The following RAB3B variants were observed in gnomAD, a reference collection of about 807,000 sequenced individuals.
The protein encoded by RAB3B is ras-related protein Rab-3B.
RAB3B carries 11 observed loss-of-function variants against 20.5 expected under a neutral mutation model. The observed-to-expected ratio is 0.54, with a 90% confidence interval of 0.34 to 0.89. RAB3B has a LOEUF of 0.89. Ranked by LOEUF, RAB3B falls within the 40% of genes least tolerant of loss-of-function variation. RAB3B has a pLI of 0.02. For missense variants in RAB3B, 225 were observed against 280.9 expected (o/e 0.80, Z 1.42); for synonymous variants, 99 against 106.3 (o/e 0.93, Z 0.42).
intron 1 of RAB3B, among the ~76,000 whole-genome samples, chr1:51,984,550 C>G (rs189504126): frequency 1.1e-4 from 17 of 151,526 alleles, no homozygotes; most frequent in Non-Finnish European, 2.4e-4. Context: ...ACCATCACAC[C>G]GGCTAATTTT....
intron 1 of RAB3B, among the ~76,000 whole-genome samples, chr1:51,981,969 AGTGTAC>A (rs1421104653): frequency 1.3e-5 from 2 of 152,172 alleles, no homozygotes; most frequent in African/African-American, 4.8e-5. Flanking sequence ...GTTATTTTAG[AGTGTAC>A]TTTTTCTATT....
chr1:51,989,103 G>GCGCACACACA lies in RAB3B; in HGVS notation c.-1+1448_-1+1449insTGTGTGTGCG, dbSNP rs377673682. The stretch of plus-strand genomic sequence containing the variant: ...CAGGTGGACACCCACCTGTGCGCGC[G>GCGCACACACA]CACACACACACACACACACACACAC... On this transcript the variant is annotated intron_variant, in intron 1 of 4. Transcript: ENST00000371655. 5.7e-3 allele frequency among the ~76,000 whole-genome samples: 753 copies of GCGCACACACA among 132,752 alleles called. 7 individuals are homozygous for GCGCACACACA. Among genetic ancestry groups the GCGCACACACA allele is most frequent in the South Asian group, 0.031 (119 of 3,828 alleles). The allele number at this position is 132,752 out of a possible 152,430, so 87.1% of individuals were successfully genotyped here. A position where few individuals can be genotyped will look rare whatever the true frequency, so the allele number is the denominator to read the frequency against.
Position 51,989,208 on chromosome 1 carries a change from T to TTGTGTGTGTGTGTGTGTGTG in RAB3B, c.-1+1324_-1+1343dup, listed in dbSNP as rs60661761. The stretch of plus-strand genomic sequence containing the variant: ...CCGGGGGAAGAGGGCCCATCTTGTT[T>TTGTGTGTGTGTGTGTGTGTG]TGTGTGTGTGTGTGTGTGTGTGTGT... On this transcript the variant is annotated intron_variant, in intron 1 of 4. Transcript: ENST00000371655. Among the ~76,000 whole-genome samples the TTGTGTGTGTGTGTGTGTGTG allele has an allele frequency of 3.8e-4, 38 of 99,822 alleles. 1 individual carries two copies. The highest frequency in any genetic ancestry group is 1.4e-3 in the African/African-American group (33 of 23,110). 65.5% of individuals were successfully genotyped at this position (99,822 alleles called of 152,430 possible).
chr1:51,934,787 A>C (rs1039362068), intron 3 of RAB3B, among the ~76,000 whole-genome samples: 1 of 151,968 alleles, frequency 6.6e-6, no homozygotes, highest in Non-Finnish European at 1.5e-5. Context: ...AAAAAAAAAA[A>C]AAAAAAAAAA....
intron 1 of RAB3B, among the ~76,000 whole-genome samples, chr1:51,978,922 G>T (rs1685046264): frequency 6.6e-6 from 1 of 152,224 alleles, no homozygotes; most frequent in African/African-American, 2.4e-5. Context: ...AGACAAATAT[G>T]TAAGATTGTT....
chr1:51,922,895 C>T (rs1684191475), intron 4 of RAB3B, among the ~76,000 whole-genome samples: 1 of 152,036 alleles, frequency 6.6e-6, no homozygotes, highest in African/African-American at 2.4e-5. Flanking sequence ...CAGGGTTTCA[C>T]CATGTTGGCC....
At chr1:51,950,386 C>A (rs1170768225) in intron 2 of RAB3B, among the ~76,000 whole-genome samples, 2 of 152,218 alleles carry the variant, frequency 1.3e-5, no homozygotes, top group African/African-American at 4.8e-5. Flanking sequence ...AGGCTATGAG[C>A]ACCCTAAAAT....
In RAB3B at chr1:51,909,391, G is replaced by T. The variant is rs1683966591; in HGVS notation, c.*10536C>A. On this transcript the variant is annotated 3_prime_UTR_variant, in exon 5 of 5. Coordinates refer to ENST00000371655, the MANE Select transcript of RAB3B (RefSeq NM_002867.4). ...TCTCATAACTATTTTGTGAAGTAGG[G>T]AAGATTGTCAGCCTCATTAGGTGAA... 1 of 152,154 alleles carries T rather than the reference G, an allele frequency of 6.6e-6. No homozygotes were observed. The highest frequency in any genetic ancestry group is 1.5e-5 in the Non-Finnish European group (1 of 68,026). 9.4% of individuals were successfully genotyped at this position (152,154 alleles called of 1,614,324 possible). A position where few individuals can be genotyped will look rare whatever the true frequency, so the allele number is the denominator to read the frequency against.
At position 51,977,037 on chromosome 1, in the gene RAB3B, G is replaced by A. The variant is rs776903608; in HGVS notation, c.81C>T (p.Ile27=). The A allele has an allele frequency of 1.9e-6, 3 of 1,614,202 alleles. No homozygotes were observed. The South Asian group carries it at 3.3e-5, about 18-fold the overall frequency. ...QNFDYMFKLL[I]IGNSSVGKTS... ...TCTTGCCAACACTGCTGTTGCCAAT[G>A]ATAAGCAGTTTAAACATGTAGTCAA... The change falls in exon 2 of 5, where the codon ATC becomes ATT. Residue 27 remains isoleucine (I), a synonymous_variant. Coordinates refer to ENST00000371655, the MANE Select transcript of RAB3B (RefSeq NM_002867.4).
intron 2 of RAB3B, among the ~76,000 whole-genome samples, chr1:51,967,669 A>G (rs1684875899): frequency 6.6e-6 from 1 of 151,040 alleles, no homozygotes; most frequent in African/African-American, 2.4e-5. Context: ...CTACAGGCAC[A>G]TGCCACCACA....
chr1:51,961,791 G>T (rs1157122494), intron 2 of RAB3B, among the ~76,000 whole-genome samples: 1 of 151,236 alleles, frequency 6.6e-6, no homozygotes, highest in African/African-American at 2.4e-5. Flanking sequence ...TATTTTTTTT[G>T]AGACAGTCTC....
rs1468753634 is a variant in RAB3B, at chr1:51,918,873, C to T, written c.*1054G>A. The T allele has an allele frequency of 1.3e-5, 2 of 152,158 alleles. No individual in the cohort carries two copies. Among genetic ancestry groups the T allele is most frequent in the African/African-American group, 4.8e-5 (2 of 41,418 alleles). The allele number at this position is 152,158 out of a possible 1,614,324, so 9.4% of individuals were successfully genotyped here. On this transcript the variant is annotated 3_prime_UTR_variant, in exon 5 of 5. Coordinates refer to ENST00000371655, the MANE Select transcript of RAB3B (RefSeq NM_002867.4). The stretch of plus-strand genomic sequence containing the variant: ...CTCATGATCTGTTTCTTGATCTTGC[C>T]TGTTTCTCTTTTTCTCTGTTTGTCT...
chr1:51,934,638 T>C (rs1434976293), intron 3 of RAB3B, among the ~76,000 whole-genome samples: 1 of 151,554 alleles, frequency 6.6e-6, no homozygotes, highest in Non-Finnish European at 1.5e-5. Flanking sequence ...TAGCTGGGCA[T>C]GGTGGCAGGC....
rs1362024502 is a variant in RAB3B, at chr1:51,916,670, G to A, written c.*3257C>T. 2 of 152,242 alleles carry A rather than the reference G, an allele frequency of 1.3e-5. No individual in the cohort carries two copies. The highest frequency in any genetic ancestry group is 2.9e-5 in the Non-Finnish European group (2 of 68,056). The allele number at this position is 152,242 out of a possible 1,614,324, so 9.4% of individuals were successfully genotyped here. ...GCATGGAGGCTCCTGCTGATTGGGA[G>A]CCTGATAAGTGTTGCCTGGCAGAGG... is the stretch of plus-strand genomic sequence containing the variant. On this transcript the variant is annotated 3_prime_UTR_variant, in exon 5 of 5. Coordinates refer to ENST00000371655, the MANE Select transcript of RAB3B (RefSeq NM_002867.4).
intron 1 of RAB3B, among the ~76,000 whole-genome samples, chr1:51,985,949 C>T (rs1571983462): frequency 6.6e-6 from 1 of 151,972 alleles, no homozygotes; most frequent in African/African-American, 2.4e-5. Context: ...CTTCTGTTAC[C>T]TAATGGCTTC....
chr1:51,949,936 T>C (rs1175840634), intron 2 of RAB3B, among the ~76,000 whole-genome samples: 1 of 152,106 alleles, frequency 6.6e-6, no homozygotes, highest in African/African-American at 2.4e-5. Context: ...CATTGACAAC[T>C]GTAGGGTGAT....
chr1:51,976,746 G>A (rs975693185), intron 2 of RAB3B, 144 bp downstream of exon 2: 2 of 694,732 alleles, frequency 2.9e-6, no homozygotes, highest in Non-Finnish European at 4.8e-6. Flanking sequence ...CTAGCAGAGG[G>A]TAGCCCAGGG....
At position 51,917,145 on chromosome 1, in the gene RAB3B, T is replaced by G. The variant is rs1023565541; in HGVS notation, c.*2782A>C. On this transcript the variant is annotated 3_prime_UTR_variant, in exon 5 of 5. Transcript: ENST00000371655. ...CATCTTCAAATGAGGCTCACTATAG[T>G]GCCTCCCTCACAAGATGTTGGGAAG... 6.6e-6 allele frequency: 1 copy of G among 152,210 alleles called. No individual in the cohort carries two copies. The highest frequency in any genetic ancestry group is 1.5e-5 in the Non-Finnish European group (1 of 68,048). 9.4% of individuals were successfully genotyped at this position (152,210 alleles called of 1,614,324 possible). A position where few individuals can be genotyped will look rare whatever the true frequency, so the allele number is the denominator to read the frequency against.
intron 2 of RAB3B, among the ~76,000 whole-genome samples, chr1:51,967,716 G>T (rs1358929193): frequency 1.1e-4 from 16 of 150,988 alleles, no homozygotes; most frequent in African/African-American, 3.6e-4. Context: ...TAGAGACAAG[G>T]TCTCAGTATG....
Sources: allele counts gnomAD v4.1 joint callset (sites outside exome capture counted in the v4.1 genomes callset), GRCh38; gene constraint gnomAD v4.1.1; transcripts MANE v1.5; gene names NCBI Gene and HGNC (gene_info 2026-07-23, HGNC 2026-07-21).